ZFP2: variants seen among roughly 807,000 people sequenced by gnomAD.
The protein encoded by ZFP2 is zinc finger protein ZFP2.
Under a neutral mutation model 36.1 loss-of-function variants are expected in ZFP2, and 33 were observed. The observed-to-expected ratio is 0.92, with a 90% CI of 0.69 to 1.22. The LOEUF is 1.22. Among genes scored for constraint, ZFP2 ranks in the 50% most tolerant of loss-of-function variants. The pLI is 0.00. For missense variants in ZFP2, 522 were observed against 551.4 expected, an observed-to-expected ratio of 0.95 and a Z score of 0.53; for synonymous variants, 170 against 178.0, an observed-to-expected ratio of 0.96 and a Z score of 0.36.
At chr5:178,905,318 T>C (rs1758147682) in intron 1 of ZFP2, among the ~76,000 whole-genome samples, 1 of 152,222 alleles carries the variant, frequency 6.6e-6, no homozygotes, top group Non-Finnish European at 1.5e-5. Flanking sequence ...AAATGTATTC[T>C]TAGGTGTTTC....
intron 4 of ZFP2, among the ~76,000 whole-genome samples, chr5:178,930,314 C>CTTTTTTTTTTTTTTTTTTT (rs990713790): frequency 2.0e-4 from 14 of 71,326 alleles, no homozygotes; most frequent in African/African-American, 2.4e-4. Context: ...TTTCCCTTTC[C>CTTTTTTTTTTTTTTTTTTT]TTTTTTTTTT....
intron 3 of ZFP2, among the ~76,000 whole-genome samples, chr5:178,913,574 A>T (rs747058661): frequency 6.6e-6 from 1 of 152,238 alleles, no homozygotes; most frequent in African/African-American, 2.4e-5. Flanking sequence ...ATTTAAAAAC[A>T]TGAAAAATGA....
intron 3 of ZFP2, among the ~76,000 whole-genome samples, chr5:178,915,238 A>G (rs1758394308): frequency 6.6e-6 from 1 of 150,514 alleles, no homozygotes; most frequent in African/African-American, 2.5e-5. Flanking sequence ...GCAAACACAT[A>G]TATTTTGATA....
intron 4 of ZFP2, among the ~76,000 whole-genome samples, chr5:178,920,636 CAAA>C (rs373794810): frequency 1.7e-5 from 2 of 118,466 alleles, no homozygotes. Context: ...GACTTCGTCT[CAAA>C]AAAAAAAAAA....
intron 3 of ZFP2, among the ~76,000 whole-genome samples, chr5:178,915,012 C>T (rs1192781163): frequency 1.3e-5 from 2 of 152,174 alleles, no homozygotes; most frequent in Non-Finnish European, 2.9e-5. Flanking sequence ...TTTTAAATTT[C>T]TGTGAGCCAC....
At chr5:178,909,046 A>T (rs1233327119) in intron 1 of ZFP2, among the ~76,000 whole-genome samples, 5 of 148,506 alleles carry the variant, frequency 3.4e-5, no homozygotes, top group Non-Finnish European at 7.5e-5. Flanking sequence ...CCTGGATGGA[A>T]TCCAGGGCTC....
chr5:178,921,367 C>CAACATTTTTCTTTCTTCTTTTGGTCTTTA (rs1554106974), intron 4 of ZFP2, among the ~76,000 whole-genome samples: 1 of 150,664 alleles, frequency 6.6e-6, no homozygotes, highest in Non-Finnish European at 1.5e-5. Context: ...GTGACCATCC[C>CAACATTTTTCTTTCTTCTTTTGGTCTTTA]TATGTAGAGC....
intron 1 of ZFP2, among the ~76,000 whole-genome samples, chr5:178,906,146 T>C (rs1051690464): frequency 2.6e-5 from 4 of 152,160 alleles, no homozygotes; most frequent in Non-Finnish European, 5.9e-5. Context: ...CATTTCACAA[T>C]AGAAGCTCTG....
At chr5:178,921,338 C>T (rs183560562) in intron 4 of ZFP2, among the ~76,000 whole-genome samples, 14 of 152,238 alleles carry the variant, frequency 9.2e-5, no homozygotes, top group South Asian at 6.2e-4. Context: ...GTAGTTGCCC[C>T]GCTCTGCTGT....
chr5:178,915,318 C>CTTTTTTTT (rs1758396506), intron 3 of ZFP2, among the ~76,000 whole-genome samples: 1 of 112,552 alleles, frequency 8.9e-6, no homozygotes, highest in African/African-American at 3.2e-5. Flanking sequence ...AAAGGTTTTT[C>CTTTTTTTT]TTTCTTTTTT....
chr5:178,903,971 C>G (rs1220927448), intron 1 of ZFP2, among the ~76,000 whole-genome samples: 1 of 150,388 alleles, frequency 6.6e-6, no homozygotes, highest in African/African-American at 2.5e-5. Context: ...AGCCCGGCAA[C>G]AGAGTGAGAC....
chr5:178,912,809 T>C, intron 2 of ZFP2, 90 bp downstream of exon 2: 3 of 972,420 alleles, frequency 3.1e-6, no homozygotes, highest in Non-Finnish European at 3.7e-6. Flanking sequence ...CTTGGTGTCC[T>C]CTCTTTCAAG....
intron 4 of ZFP2, among the ~76,000 whole-genome samples, chr5:178,918,424 T>C (rs1222233856): frequency 1.3e-5 from 2 of 152,158 alleles, no homozygotes; most frequent in Non-Finnish European, 2.9e-5. Context: ...ATAAATCAAC[T>C]TGCCCTTTTC....
At chr5:178,897,291 A>C (rs960242631) in intron 1 of ZFP2, among the ~76,000 whole-genome samples, 17 of 152,200 alleles carry the variant, frequency 1.1e-4, no homozygotes, top group African/African-American at 4.1e-4. Flanking sequence ...GAGGTGCAAA[A>C]GATAGGATTG....
intron 1 of ZFP2, among the ~76,000 whole-genome samples, chr5:178,901,050 C>T (rs1267797197): frequency 2.0e-5 from 3 of 152,138 alleles, no homozygotes; most frequent in Non-Finnish European, 4.4e-5. Context: ...GTTGAATATA[C>T]CACCTTTTGT....
rs951239429 is a variant in ZFP2 at position 178,932,634 on chromosome 5, A to T, written c.1321A>T (p.Asn441Tyr). ...TACAGGAGAGAAACCCTATCAGTGT[A>T]ATGAATGCGGAAAAGCCTTCAGCCG... Reference protein sequence around the residue: ...THTGEKPYQCNECGKAFSRST... With the variant: ...THTGEKPYQCYECGKAFSRST... The change falls in exon 5 of 5, where the codon AAT becomes TAT. Residue 441 changes from asparagine (N) to tyrosine (Y), a missense_variant. Physicochemically the swap from Asn to Tyr is moderately radical, Grantham distance 143 (BLOSUM62 -2). Transcript: ENST00000361362. 4 of 1,613,644 alleles carry T rather than the reference A, an allele frequency of 2.5e-6. No individual in the cohort carries two copies. Among genetic ancestry groups the T allele is most frequent in the Non-Finnish European group, 3.4e-6 (4 of 1,179,856 alleles).
At chr5:178,923,386 C>G (rs7712073) in intron 4 of ZFP2, among the ~76,000 whole-genome samples, 42,438 of 148,928 alleles carry the variant, frequency 0.28, 8,503 homozygotes, top group South Asian at 0.37. Flanking sequence ...TTGAATCATG[C>G]AATATTTGTC....
chr5:178,898,981 A>G (rs1291833163), intron 1 of ZFP2, among the ~76,000 whole-genome samples: 1 of 152,140 alleles, frequency 6.6e-6, no homozygotes, highest in East Asian at 1.9e-4. Flanking sequence ...TACAGTCATA[A>G]TTGCACCTGA....
At chr5:178,927,039 C>T (rs1758688676) in intron 4 of ZFP2, among the ~76,000 whole-genome samples, 1 of 151,528 alleles carries the variant, frequency 6.6e-6, no homozygotes, top group Non-Finnish European at 1.5e-5. Flanking sequence ...TGATCTCTCT[C>T]TGTTGACTTC....
Sources: gnomAD v4.1 joint callset for allele counts (sites outside exome capture counted in the v4.1 genomes callset) on GRCh38, gnomAD v4.1.1 for gene constraint, MANE v1.5 for transcripts, NCBI Gene and HGNC (gene_info 2026-07-23, HGNC 2026-07-21) for gene names.